DBP: variants seen among roughly 807,000 people sequenced by gnomAD.
The protein encoded by DBP is D site-binding protein.
Under a neutral mutation model 21.4 loss-of-function variants are expected in DBP, and 12 were observed. That is an observed-to-expected ratio of 0.56 (90% CI 0.36 to 0.91). The LOEUF is 0.91. Ranked by LOEUF, DBP falls within the 40% of genes least tolerant of loss-of-function variation. DBP has a pLI of 0.01. For synonymous variants in DBP, 213 were observed against 224.9 expected (o/e 0.95, Z 0.47); for missense variants, 423 against 473.4 (o/e 0.89, Z 0.99).
In DBP at chr19:48,630,857, C is replaced by A; in HGVS notation, c.958G>T (p.Ala320Ser). Residue 320 changes from alanine to serine, a missense_variant, in exon 4 of 4, where the codon GCC becomes TCC. By Grantham distance (99) the Ala-to-Ser change is moderately conservative. This residue lies in a region of DBP where 33 missense variants were observed against 31.7 expected (regional missense o/e 1.04). Coordinates refer to ENST00000222122, the MANE Select transcript of DBP (RefSeq NM_001352.5). The surrounding 1 kb of genome is among the most constrained non-coding windows in gnomAD (Gnocchi z 4.9). ...HYRAVLSRYQ[A>S]QHGAL is the part of the protein sequence containing the mutation. ...CAGCCTCACAGGGCCCCGTGCTGGG[C>A]CTGGTATCGGGACAGCACGGCGCGG... 1 of 1,602,138 alleles carries A rather than the reference C, an allele frequency of 6.2e-7. No homozygotes were observed. The highest frequency in any genetic ancestry group is 2.3e-5 in the East Asian group (1 of 44,428).
Position 48,635,303 on chromosome 19 carries a change from G to A in DBP, c.550+277C>T, listed in dbSNP as rs1230752102. On this transcript the variant is annotated intron_variant, in intron 2 of 3. Transcript: ENST00000222122. ...TTCTGGCTTCACGAGTATCCACATC[G>A]TTTGTCCCCAAGTCCCACAGAAAAA... 4.0e-6 allele frequency: 5 copies of A among 1,251,578 alleles called. No individual in the cohort carries two copies. The African/African-American group carries it at 8.1e-5, about 20-fold the overall frequency. 77.5% of individuals were successfully genotyped at this position (1,251,578 alleles called of 1,614,324 possible).
In DBP at chr19:48,635,672, C is replaced by A; in HGVS notation, c.458G>T (p.Gly153Val). Residue 153 changes from glycine to valine, a missense_variant, in exon 2 of 4, where the codon GGG (glycine) becomes GTG (valine). Physicochemically the swap from Gly to Val is moderately radical, Grantham distance 109 (BLOSUM62 -3). Transcript: ENST00000222122. The part of the protein sequence containing the change: ...SPARTPAPSP[G>V]PGSCGSASPR... ...GGAAGCCGAGCCGCACGAACCCGGC[C>A]CTGGGGAGGGTGCGGGCGTCCGCGC... 7.6e-7 allele frequency: 1 copy of A among 1,318,910 alleles called. No individual in the cohort carries two copies. Among genetic ancestry groups the A allele is most frequent in the South Asian group, 2.2e-5 (1 of 45,988 alleles). 81.7% of individuals were successfully genotyped at this position (1,318,910 alleles called of 1,614,324 possible).
rs2030760490 is a variant in DBP, at chr19:48,635,654, G to A, written c.476C>T (p.Ser159Leu). The A allele has an allele frequency of 3.8e-6, 5 of 1,315,074 alleles. No homozygotes were observed. The highest frequency in any genetic ancestry group is 4.8e-6 in the Non-Finnish European group (5 of 1,039,174). 81.5% of individuals were successfully genotyped at this position (1,315,074 alleles called of 1,614,324 possible). The change falls in exon 2 of 4, where the codon TCG (serine) becomes TTG (leucine). Residue 159 changes from serine (S) to leucine (L), a missense_variant. This residue lies in a region of DBP where 283 missense variants were observed against 273.7 expected (regional missense o/e 1.03). Transcript: ENST00000222122. The stretch of plus-strand genomic sequence containing the variant: ...CCCAGGAGAGGAGCGGGGGGAAGCC[G>A]AGCCGCACGAACCCGGCCCTGGGGA... ...APSPGPGSCG[S>L]ASPRSSPGHA...
rs1285395721 is a variant in DBP at position 48,630,265 on chromosome 19, A to T, written c.*572T>A. The T allele has an allele frequency of 7.8e-7, 1 of 1,288,300 alleles. No homozygotes were observed. Among genetic ancestry groups the T allele is most frequent in the Non-Finnish European group, 9.8e-7 (1 of 1,018,790 alleles). 79.8% of individuals were successfully genotyped at this position (1,288,300 alleles called of 1,614,324 possible). A position where few individuals can be genotyped will look rare whatever the true frequency, so the allele number is the denominator to read the frequency against. ...CAGGTTCCCCGGGGCCGGCGCTAGG[A>T]TTTGCACTAATGTTCCTCTCCCCGC... On this transcript the variant is annotated 3_prime_UTR_variant, in exon 4 of 4. Transcript: ENST00000222122. The surrounding 1 kb of genome is among the most constrained non-coding windows in gnomAD (Gnocchi z 4.9).
At chr19:48,633,738 C>A in intron 2 of DBP, 83 bp from the exon 3 acceptor site, 1 of 1,190,110 alleles carries the variant, frequency 8.4e-7, no homozygotes, top group Non-Finnish European at 1.2e-6. Context: ...GGTATCATAG[C>A]CACATGGAAA....
intron 2 of DBP, 172 bp from the exon 3 acceptor site, chr19:48,633,827 G>A (rs147851808): frequency 2.1e-4 from 132 of 631,166 alleles, no homozygotes; most frequent in Middle Eastern, 1.2e-3. Context: ...TTGGCCAGGC[G>A]CAGTGGCTCA....
chr19:48,631,065 A>AG lies in DBP; in HGVS notation c.763-14dup, dbSNP rs141590214. ...AGTATTTCTCATCCTGCAGGAGAAG[A>AG]GGGGGAGAGCACTGAGGTCCAGAGG... On this transcript the variant is annotated splice_polypyrimidine_tract_variant and intron_variant, in intron 3 of 3. Transcript: ENST00000222122. 4.1e-3 allele frequency: 6,640 copies of AG among 1,609,794 alleles called. 192 individuals are homozygous for AG. The African/African-American group carries it at 0.072, about 17-fold the overall frequency.
rs949729408 is a variant in DBP at position 48,630,783 on chromosome 19, G to C, written c.*54C>G. 1.1e-5 allele frequency: 17 copies of C among 1,525,018 alleles called. No individual in the cohort carries two copies. Among genetic ancestry groups the C allele is most frequent in the Admixed American group, 4.0e-5 (2 of 50,542 alleles). The allele number at this position is 1,525,018 out of a possible 1,614,324, so 94.5% of individuals were successfully genotyped here. A position where few individuals can be genotyped will look rare whatever the true frequency, so the allele number is the denominator to read the frequency against. ...CCACAGGGCAGGAAGGGAACAGGGC[G>C]TAAGTCTCAGCAAGGCGGAGGAGAG... On this transcript the variant is annotated 3_prime_UTR_variant, in exon 4 of 4. Transcript: ENST00000222122. This position sits in a 1 kb window ranked among gnomAD's most constrained non-coding sequence, Gnocchi z 4.9.
rs73944843 is a variant in DBP, at chr19:48,631,299, G to A, written c.763-247C>T. ...TCTCCACTCTGCAAAGCGGACCCCA[G>A]CCCTCCCCACATGATAAAGGCCTGC... On this transcript the variant is annotated intron_variant, in intron 3 of 3. Coordinates refer to ENST00000222122, the MANE Select transcript of DBP (RefSeq NM_001352.5). 1,801 of 544,862 alleles carry A rather than the reference G, an allele frequency of 3.3e-3. 33 individuals are homozygous for A. Among genetic ancestry groups the A allele is most frequent in the African/African-American group, 0.031 (1,628 of 53,144 alleles). The allele number at this position is 544,862 out of a possible 1,614,324, so 33.8% of individuals were successfully genotyped here.
chr19:48,635,313 A>G (rs978833330), intron 2 of DBP: 2 of 1,271,894 alleles, frequency 1.6e-6, no homozygotes, highest in Non-Finnish European at 2.0e-6. Flanking sequence ...GTTTGTCCCC[A>G]AGTCCCACAG....
intron 1 of DBP, 52 bp downstream of exon 1, chr19:48,636,804 T>C (rs2030821465): frequency 6.3e-7 from 1 of 1,590,388 alleles, no homozygotes; most frequent in Non-Finnish European, 8.5e-7. Flanking sequence ...GGCACCTGAG[T>C]CCCTAAGGGG....
Position 48,637,205 on chromosome 19 carries a change from C to A in DBP, c.-211G>T. 1 of 436,274 alleles carries A rather than the reference C, an allele frequency of 2.3e-6. No homozygotes were observed. Among genetic ancestry groups the A allele is most frequent in the Admixed American group, 4.1e-5 (1 of 24,568 alleles). The allele number at this position is 436,274 out of a possible 1,614,324, so 27.0% of individuals were successfully genotyped here. A position where few individuals can be genotyped will look rare whatever the true frequency, so the allele number is the denominator to read the frequency against. On this transcript the variant is annotated 5_prime_UTR_variant, in exon 1 of 4. Transcript: ENST00000222122. ...AGAAACGTGCAACTCAAGAGGGTCC[C>A]GGGAGATCATGCAATCTGGGCGAGG...
Position 48,630,088 on chromosome 19 carries a change from T to C in DBP, c.*749A>G. 7.8e-7 allele frequency: 1 copy of C among 1,278,118 alleles called. No individual in the cohort carries two copies. The highest frequency in any genetic ancestry group is 9.9e-7 in the Non-Finnish European group (1 of 1,012,188). 79.2% of individuals were successfully genotyped at this position (1,278,118 alleles called of 1,614,324 possible). A position where few individuals can be genotyped will look rare whatever the true frequency, so the allele number is the denominator to read the frequency against. ...CCTGCTCCTACCCGGCCAGGATGGC[T>C]GAGGGCGGAGTCTATTTTACGCGTC... On this transcript the variant is annotated 3_prime_UTR_variant, in exon 4 of 4. Transcript: ENST00000222122. This position sits in a 1 kb window ranked among gnomAD's most constrained non-coding sequence, Gnocchi z 4.9.
Position 48,635,295 on chromosome 19 carries a change from T to C in DBP, c.550+285A>G, listed in dbSNP as rs73944844. 9,603 of 1,242,588 alleles carry C rather than the reference T, an allele frequency of 7.7e-3. 465 individuals carry two copies. In the African/African-American group the frequency reaches 0.12, roughly 15 times the overall value. 77.0% of individuals were successfully genotyped at this position (1,242,588 alleles called of 1,614,324 possible). On this transcript the variant is annotated intron_variant, in intron 2 of 3. Coordinates refer to ENST00000222122, the MANE Select transcript of DBP (RefSeq NM_001352.5). ...ACTTCCAGTTCTGGCTTCACGAGTA[T>C]CCACATCGTTTGTCCCCAAGTCCCA...
In DBP at chr19:48,637,235, G is replaced by A. The variant is rs1160436648; in HGVS notation, c.-241C>T. ...GATCATGCAATCTGGGCGAGGGGGT[G>A]TCCAGATCAAGCGGTCGGCTCTTTG... On this transcript the variant is annotated 5_prime_UTR_variant, in exon 1 of 4. Coordinates refer to ENST00000222122, the MANE Select transcript of DBP (RefSeq NM_001352.5). The A allele has an allele frequency of 4.9e-6, 2 of 411,450 alleles. No homozygotes were observed. The highest frequency in any genetic ancestry group is 8.6e-6 in the Non-Finnish European group (2 of 231,416). The allele number at this position is 411,450 out of a possible 1,614,324, so 25.5% of individuals were successfully genotyped here.
In DBP at chr19:48,636,838, A is replaced by C. The variant is rs373978426; in HGVS notation, c.139+18T>G. On this transcript the variant is annotated intron_variant, in intron 1 of 3. Transcript: ENST00000222122. ...GGGTAGGGTGTCCGAAGTGGGTGAG[A>C]TGGGGGTTAGAACTCACAGCTGGCC... The C allele has an allele frequency of 3.7e-6, 6 of 1,610,270 alleles. No individual in the cohort carries two copies. The African/African-American group carries it at 8.0e-5, about 22-fold the overall frequency.
rs2030521033 is a variant in DBP at position 48,630,460 on chromosome 19, CTT to C, written c.*375_*376del. On this transcript the variant is annotated 3_prime_UTR_variant, in exon 4 of 4. Transcript: ENST00000222122. The surrounding 1 kb of genome is among the most constrained non-coding windows in gnomAD (Gnocchi z 4.9). ...CCGCGGGAGGACTCAGACTCCAGCA[CTT>C]CCAGCAGCGCCTGCCCTCTATGGAC... 1 of 1,468,084 alleles carries C rather than the reference CTT, an allele frequency of 6.8e-7. No homozygotes were observed. The highest frequency in any genetic ancestry group is 1.4e-5 in the African/African-American group (1 of 70,378). 90.9% of individuals were successfully genotyped at this position (1,468,084 alleles called of 1,614,324 possible).
chr19:48,637,071 G>C lies in DBP; in HGVS notation c.-77C>G. 3.7e-6 allele frequency: 5 copies of C among 1,344,546 alleles called. No individual in the cohort carries two copies. Among genetic ancestry groups the C allele is most frequent in the Non-Finnish European group, 4.9e-6 (5 of 1,021,542 alleles). The allele number at this position is 1,344,546 out of a possible 1,614,324, so 83.3% of individuals were successfully genotyped here. A position where few individuals can be genotyped will look rare whatever the true frequency, so the allele number is the denominator to read the frequency against. On this transcript the variant is annotated 5_prime_UTR_variant, in exon 1 of 4. Transcript: ENST00000222122. Reference sequence around the variant, plus strand: ...GCCTGCCAGTCACCAGCACACTCCAGTGGTTTGGACGAGTGTCTGCCCAGG... The same window carrying C: ...GCCTGCCAGTCACCAGCACACTCCACTGGTTTGGACGAGTGTCTGCCCAGG...
In DBP at chr19:48,637,311, G is replaced by C. The variant is rs912793581; in HGVS notation, c.-317C>G. 4 of 327,238 alleles carry C rather than the reference G, an allele frequency of 1.2e-5. No individual in the cohort carries two copies. In the Admixed American group the frequency reaches 1.9e-4, roughly 16 times the overall value. 20.3% of individuals were successfully genotyped at this position (327,238 alleles called of 1,614,324 possible). A position where few individuals can be genotyped will look rare whatever the true frequency, so the allele number is the denominator to read the frequency against. On this transcript the variant is annotated 5_prime_UTR_variant, in exon 1 of 4. Coordinates refer to ENST00000222122, the MANE Select transcript of DBP (RefSeq NM_001352.5). The stretch of plus-strand genomic sequence containing the variant: ...GGCGCTCCTTCTACAAGGTGGGCGA[G>C]CCTGGCTCTTGCAAAATCTGCAGCT...
Sources: gnomAD v4.1 joint callset for allele counts on GRCh38, gnomAD v4.1.1 for gene constraint, gnomAD v4.1.1 regional missense constraint, Gnocchi (gnomAD v3.1) non-coding constraint, MANE v1.5 for transcripts, NCBI Gene and HGNC (gene_info 2026-07-23, HGNC 2026-07-21) for gene names.